The following EYS variants were observed in gnomAD, a reference collection of about 807,000 sequenced individuals.
The protein encoded by EYS is EGF-like photoreceptor maintenance factor.
In EYS, 250 loss-of-function variants were observed where a neutral mutation model predicts 282.1. That is an observed-to-expected ratio of 0.89 (90% CI 0.80 to 0.98). The LOEUF is 0.98. EYS is among the 50% of genes least tolerant of loss of function. The pLI is 0.00. For missense variants in EYS, 4,016 were observed against 3,709.0 expected (o/e 1.08, Z -2.15); for synonymous variants, 1,355 against 1,282.9 (o/e 1.06, Z -1.20).
intron 22 of EYS, among the ~76,000 whole-genome samples, chr6:64,801,277 T>C (rs1021620602): frequency 1.8e-4 from 28 of 152,118 alleles, no homozygotes; most frequent in African/African-American, 6.0e-4. Context: ...TTAACGAAGA[T>C]ACACTTTTGA....
intron 31 of EYS, among the ~76,000 whole-genome samples, chr6:64,104,630 G>A (rs1264053986): frequency 6.6e-6 from 1 of 151,796 alleles, no homozygotes; most frequent in African/African-American, 2.4e-5. Context: ...CAAAGCCTCT[G>A]GTTTTAAAAG....
At chr6:65,042,360 A>G (rs1241818027) in intron 13 of EYS, among the ~76,000 whole-genome samples, 3 of 151,460 alleles carry the variant, frequency 2.0e-5, no homozygotes, top group Non-Finnish European at 3.0e-5. Context: ...ATTTTATGGA[A>G]TTATTTTGAT....
chr6:64,736,240 C>G (rs1172716348), intron 22 of EYS, among the ~76,000 whole-genome samples: 5 of 151,984 alleles, frequency 3.3e-5, no homozygotes, highest in Non-Finnish European at 7.4e-5. Flanking sequence ...TAAGAAACTT[C>G]TATGAATATT....
At chr6:64,305,056 C>T (rs997014900) in intron 30 of EYS, among the ~76,000 whole-genome samples, 1 of 152,116 alleles carries the variant, frequency 6.6e-6, no homozygotes, top group African/African-American at 2.4e-5. Flanking sequence ...ATTGACAAAT[C>T]TTTAGTTAGA....
At chr6:64,899,590 A>G (rs1414874428) in intron 18 of EYS, among the ~76,000 whole-genome samples, 1 of 152,166 alleles carries the variant, frequency 6.6e-6, no homozygotes, top group African/African-American at 2.4e-5. Context: ...ACAAACATTA[A>G]TAGACAGAGA....
rs773142562 is a variant in EYS, at chr6:63,778,195, A to G, written c.7724-15T>C. ...GAAAATACAGCCTTGAAGAAATGCA[A>G]AAACACTTCGTGTTAACAAACAGAA... On this transcript the variant is annotated splice_polypyrimidine_tract_variant and intron_variant, in intron 39 of 42. Coordinates refer to ENST00000503581, the MANE Select transcript of EYS (RefSeq NM_001142800.2). 2 of 1,551,116 alleles carry G rather than the reference A, an allele frequency of 1.3e-6. No homozygotes were observed. Among genetic ancestry groups the G allele is most frequent in the Admixed American group, 3.9e-5 (2 of 50,996 alleles).
chr6:64,372,718 T>C (rs1406212570), intron 29 of EYS, among the ~76,000 whole-genome samples: 4 of 152,222 alleles, frequency 2.6e-5, no homozygotes, highest in African/African-American at 9.6e-5. Flanking sequence ...TAATCCCATA[T>C]TTGTCAGAGA....
chr6:63,961,110 G>A (rs959980415), intron 35 of EYS, among the ~76,000 whole-genome samples: 1 of 152,126 alleles, frequency 6.6e-6, no homozygotes, highest in Non-Finnish European at 1.5e-5. Flanking sequence ...AAATTTATTG[G>A]TCAGAGTTCT....
chr6:64,348,240 T>C (rs1283785182), intron 29 of EYS, among the ~76,000 whole-genome samples: 1 of 151,526 alleles, frequency 6.6e-6, no homozygotes. Context: ...TTATTGATTC[T>C]GTTTACTATT....
chr6:65,565,600 A>G (rs918547160), intron 2 of EYS, among the ~76,000 whole-genome samples: 1 of 152,128 alleles, frequency 6.6e-6, no homozygotes, highest in African/African-American at 2.4e-5. Context: ...ATTACTGGGT[A>G]TATACCCAAA....
chr6:65,526,874 C>T (rs1431887073), intron 2 of EYS, among the ~76,000 whole-genome samples: 1 of 152,128 alleles, frequency 6.6e-6, no homozygotes, highest in African/African-American at 2.4e-5. Context: ...GAGGGCACTG[C>T]ATAAAGTCCA....
intron 1 of EYS, among the ~76,000 whole-genome samples, chr6:65,687,055 T>C (rs1183478210): frequency 6.6e-6 from 1 of 152,108 alleles, no homozygotes; most frequent in Non-Finnish European, 1.5e-5. Context: ...CACACATTTA[T>C]ACCTAGACTA....
intron 33 of EYS, among the ~76,000 whole-genome samples, chr6:64,009,844 A>G (rs1193421997): frequency 6.6e-6 from 1 of 151,998 alleles, no homozygotes; most frequent in Admixed American, 6.5e-5. Context: ...GTTCTTTCTC[A>G]TCTATATGGG....
chr6:65,599,249 G>T (rs1335965602), intron 2 of EYS, among the ~76,000 whole-genome samples: 2 of 152,010 alleles, frequency 1.3e-5, no homozygotes, highest in Non-Finnish European at 2.9e-5. Context: ...CATATAAATG[G>T]ATCTGCCTAG....
chr6:64,899,354 TG>T (rs1767575763), intron 18 of EYS, among the ~76,000 whole-genome samples: 2 of 151,942 alleles, frequency 1.3e-5, no homozygotes, highest in African/African-American at 4.8e-5. Flanking sequence ...GAATGACTAC[TG>T]GGTAAATAAC....
At chr6:64,879,958 G>A (rs184400084) in intron 19 of EYS, among the ~76,000 whole-genome samples, 1 of 152,012 alleles carries the variant, frequency 6.6e-6, no homozygotes, top group Admixed American at 6.6e-5. Context: ...GCTTCTGGAA[G>A]CAGGTCTGCT....
chr6:64,519,900 A>G (rs1279456860), intron 26 of EYS, among the ~76,000 whole-genome samples: 2 of 151,830 alleles, frequency 1.3e-5, no homozygotes, highest in Admixed American at 6.6e-5. Context: ...TGTCTAACTC[A>G]CATCTAGAAA....
At chr6:65,061,911 T>G (rs1773585548) in intron 12 of EYS, among the ~76,000 whole-genome samples, 1 of 151,968 alleles carries the variant, frequency 6.6e-6, no homozygotes, top group South Asian at 2.1e-4. Flanking sequence ...TACTCTGGGT[T>G]TTCTGTTTCT....
intron 31 of EYS, among the ~76,000 whole-genome samples, chr6:64,182,867 C>T (rs1179539474): frequency 1.3e-5 from 2 of 152,134 alleles, no homozygotes; most frequent in African/African-American, 4.8e-5. Context: ...TACCCTCTTT[C>T]CTGTCGCCTG....
Sources: allele counts gnomAD v4.1 joint callset (sites outside exome capture counted in the v4.1 genomes callset), GRCh38; gene constraint gnomAD v4.1.1; transcripts MANE v1.5; gene names NCBI Gene and HGNC (gene_info 2026-07-23, HGNC 2026-07-21).